The following CNTN5 variants were observed in gnomAD, a reference collection of about 807,000 sequenced individuals.
CNTN5 encodes the protein contactin 5.
Under a neutral mutation model 129.1 loss-of-function variants are expected in CNTN5, and 77 were observed. That is an observed-to-expected ratio of 0.60 (90% confidence interval 0.50 to 0.72). The LOEUF is 0.72. CNTN5 is among the 30% of genes least tolerant of loss of function. The probability of loss-of-function intolerance (pLI) is 0.00; values close to 1 mark genes in which losing one functional copy is unlikely to be tolerated. For synonymous variants in CNTN5, 509 were observed against 465.6 expected (o/e 1.09, Z -1.20); for missense variants, 1,478 against 1,328.8 (o/e 1.11, Z -1.75).
At chr11:100,292,387 T>C (rs1193352158) in intron 18 of CNTN5, among the ~76,000 whole-genome samples, 1 of 152,036 alleles carries the variant, frequency 6.6e-6, no homozygotes, top group Non-Finnish European at 1.5e-5. Flanking sequence ...AAACCTATCT[T>C]CATGACCACT....
At chr11:100,212,580 A>G (rs1949055486) in intron 15 of CNTN5, among the ~76,000 whole-genome samples, 1 of 152,148 alleles carries the variant, frequency 6.6e-6, no homozygotes, top group Non-Finnish European at 1.5e-5. Flanking sequence ...ACAGGGGGCA[A>G]GAGTTCTTTG....
chr11:99,953,740 T>C (rs1277292852), intron 7 of CNTN5, among the ~76,000 whole-genome samples: 1 of 152,172 alleles, frequency 6.6e-6, no homozygotes, highest in Non-Finnish European at 1.5e-5. Context: ...ACCTGCTGGT[T>C]CAGAGTAGAA....
intron 3 of CNTN5, among the ~76,000 whole-genome samples, chr11:99,815,797 C>T (rs2135536843): frequency 6.6e-6 from 1 of 152,264 alleles, no homozygotes; most frequent in Admixed American, 6.5e-5. Context: ...TCCACTTTCT[C>T]TGTTGAAATT....
intron 1 of CNTN5, among the ~76,000 whole-genome samples, chr11:99,294,689 C>A (rs146461620): frequency 6.6e-6 from 1 of 152,032 alleles, no homozygotes; most frequent in East Asian, 1.9e-4. Flanking sequence ...TGCAATGCTG[C>A]GATTTTGGTT....
chr11:99,043,865 G>T (rs909797825), intron 1 of CNTN5, among the ~76,000 whole-genome samples: 2 of 152,240 alleles, frequency 1.3e-5, no homozygotes, highest in East Asian at 3.9e-4. Context: ...TAGTAGCCTG[G>T]CCTCTGTAAT....
intron 13 of CNTN5, among the ~76,000 whole-genome samples, chr11:100,182,407 A>ATC (rs2138458224): frequency 6.6e-6 from 1 of 152,100 alleles, no homozygotes; most frequent in South Asian, 2.1e-4. Context: ...AGAGAAAACA[A>ATC]TCTCTTTCAT....
At chr11:99,424,285 G>A (rs943130634) in intron 2 of CNTN5, among the ~76,000 whole-genome samples, 18 of 152,186 alleles carry the variant, frequency 1.2e-4, no homozygotes, top group Non-Finnish European at 1.8e-4. Context: ...CTCTACAAGT[G>A]ACTAATGGGT....
At chr11:99,303,723 G>A (rs1464924570) in intron 1 of CNTN5, among the ~76,000 whole-genome samples, 1 of 151,896 alleles carries the variant, frequency 6.6e-6, no homozygotes, top group African/African-American at 2.4e-5. Context: ...TCACTCTGGG[G>A]GTGAGCCACA....
intron 1 of CNTN5, among the ~76,000 whole-genome samples, chr11:99,231,287 C>T (rs1860982140): frequency 6.6e-6 from 1 of 152,090 alleles, no homozygotes; most frequent in South Asian, 2.1e-4. Context: ...AAAAGTGTTC[C>T]TGTTTCTCCT....
chr11:99,793,642 A>C (rs989122252), intron 3 of CNTN5, among the ~76,000 whole-genome samples: 2 of 152,148 alleles, frequency 1.3e-5, no homozygotes, highest in African/African-American at 4.8e-5. Context: ...ATTACTTTCA[A>C]AAAATTCCTT....
At chr11:99,302,377 T>A (rs2135947864) in intron 1 of CNTN5, among the ~76,000 whole-genome samples, 1 of 151,708 alleles carries the variant, frequency 6.6e-6, no homozygotes, top group Non-Finnish European at 1.5e-5. Flanking sequence ...AAATCATTAA[T>A]GAAAGAAAGT....
chr11:99,330,951 C>G lies in CNTN5; in HGVS notation c.-71+5467C>G, dbSNP rs115399496. Among the ~76,000 whole-genome samples, 303 of 151,976 alleles carry G rather than the reference C, an allele frequency of 2.0e-3. 4 individuals carry two copies. Among genetic ancestry groups the G allele is most frequent in the African/African-American group, 7.0e-3 (291 of 41,440 alleles). On this transcript the variant is annotated intron_variant, in intron 2 of 24. Coordinates refer to ENST00000524871, the MANE Select transcript of CNTN5 (RefSeq NM_014361.4). The stretch of plus-strand genomic sequence containing the variant: ...ATAAACATACACACACACATGTGCA[C>G]ACACACACATTCAGACACACACACA...
intron 7 of CNTN5, among the ~76,000 whole-genome samples, chr11:99,952,587 A>C (rs922611399): frequency 6.6e-6 from 1 of 152,136 alleles, no homozygotes; most frequent in Non-Finnish European, 1.5e-5. Flanking sequence ...GCTGGAGCGC[A>C]GTGGCACAGT....
intron 20 of CNTN5, among the ~76,000 whole-genome samples, chr11:100,301,391 G>A (rs1182734427): frequency 6.6e-6 from 1 of 151,318 alleles, no homozygotes; most frequent in Non-Finnish European, 1.5e-5. Context: ...ACTTGAAATG[G>A]CTTGCCTTTG....
At chr11:100,064,602 A>G (rs1943621336) in intron 10 of CNTN5, among the ~76,000 whole-genome samples, 1 of 152,146 alleles carries the variant, frequency 6.6e-6, no homozygotes, top group Non-Finnish European at 1.5e-5. Context: ...TAAATATTCT[A>G]TTTGGTATGC....
At chr11:99,158,078 C>A (rs7950647) in intron 1 of CNTN5, among the ~76,000 whole-genome samples, 138,292 of 152,222 alleles carry the variant, frequency 0.91, 63,073 homozygotes, top group East Asian at 0.99. Flanking sequence ...TGACTAGGCA[C>A]GGAATTGAAC....
chr11:99,858,877 A>C (rs1948122488), intron 6 of CNTN5, among the ~76,000 whole-genome samples: 1 of 152,176 alleles, frequency 6.6e-6, no homozygotes, highest in South Asian at 2.1e-4. Flanking sequence ...AGATTTATTG[A>C]GTGATTATTA....
Position 99,133,615 on chromosome 11 carries a change from C to CAAA in CNTN5, c.-210+112347_-210+112348insAAA, listed in dbSNP as rs566769880. ...GCAAAGGATAGGAACAGACACTTCT[C>CAAA]AAGAAAAAAAAAAGACCATACATGC... On this transcript the variant is annotated intron_variant, in intron 1 of 24. Transcript: ENST00000524871. 1.1e-4 allele frequency among the ~76,000 whole-genome samples: 12 copies of CAAA among 105,998 alleles called. 2 individuals are homozygous for CAAA. The highest frequency in any genetic ancestry group is 1.9e-4 in the Non-Finnish European group (10 of 53,012). The allele number at this position is 105,998 out of a possible 152,430, so 69.5% of individuals were successfully genotyped here. A position where few individuals can be genotyped will look rare whatever the true frequency, so the allele number is the denominator to read the frequency against.
intron 13 of CNTN5, among the ~76,000 whole-genome samples, chr11:100,100,832 C>T (rs1280573808): frequency 6.6e-6 from 1 of 152,102 alleles, no homozygotes; most frequent in Admixed American, 6.6e-5. Context: ...AATCAGCTTG[C>T]TAAATTTCTC....
Sources: allele counts gnomAD v4.1 joint callset (sites outside exome capture counted in the v4.1 genomes callset), GRCh38; gene constraint gnomAD v4.1.1; transcripts MANE v1.5; gene names NCBI Gene and HGNC (gene_info 2026-07-23, HGNC 2026-07-21).